SLC35D4: variants seen among roughly 807,000 people sequenced by gnomAD.
SLC35D4 encodes solute carrier family 35 member D4.
the SLC35D4 span, among the ~76,000 whole-genome samples, chr18:23,309,317 A>T: frequency 6.6e-6 from 1 of 151,986 alleles, no homozygotes; most frequent in Admixed American, 6.6e-5. Context: ...TATACATATT[A>T]TGCATATACA....
At chr18:23,378,994 C>T in the SLC35D4 span, among the ~76,000 whole-genome samples, 2 of 152,180 alleles carry the variant, frequency 1.3e-5, no homozygotes, top group African/African-American at 4.8e-5. Flanking sequence ...GCACAGGACG[C>T]GAGGCCAACC....
chr18:23,362,485 G>C, the SLC35D4 span, among the ~76,000 whole-genome samples: 1 of 152,142 alleles, frequency 6.6e-6, no homozygotes, highest in Non-Finnish European at 1.5e-5. Context: ...TGTAATCTCA[G>C]CTACTTGGGA....
the SLC35D4 span, chr18:23,437,699 A>T: frequency 3.5e-6 from 5 of 1,425,748 alleles, no homozygotes; most frequent in Non-Finnish European, 3.8e-6. Context: ...AAAAAGCAGG[A>T]GGAGGCTCCG....
the SLC35D4 span, among the ~76,000 whole-genome samples, chr18:23,240,599 T>C: frequency 2.6e-5 from 4 of 152,350 alleles, no homozygotes; most frequent in Non-Finnish European, 5.9e-5. Flanking sequence ...TGGGTGGGAA[T>C]GCTCAGTGAT....
the SLC35D4 span, among the ~76,000 whole-genome samples, chr18:23,254,436 T>G: frequency 6.6e-6 from 1 of 152,218 alleles, no homozygotes; most frequent in Non-Finnish European, 1.5e-5. Flanking sequence ...CATGAATGCC[T>G]GTTTTAGAAT....
the SLC35D4 span, among the ~76,000 whole-genome samples, chr18:23,377,482 A>G: frequency 6.6e-6 from 1 of 152,184 alleles, no homozygotes; most frequent in Non-Finnish European, 1.5e-5. Flanking sequence ...GAAAAGAAAA[A>G]CACAAGAAAT....
At chr18:23,326,597 A>T in the SLC35D4 span, among the ~76,000 whole-genome samples, 8 of 152,200 alleles carry the variant, frequency 5.3e-5, no homozygotes, top group Admixed American at 1.3e-4. Flanking sequence ...CCACACAATA[A>T]TAATGGGAGA....
At chr18:23,280,689 C>T in the SLC35D4 span, among the ~76,000 whole-genome samples, 2 of 152,200 alleles carry the variant, frequency 1.3e-5, no homozygotes, top group African/African-American at 4.8e-5. Context: ...CAAAATGGAA[C>T]CCGGACCCTT....
chr18:23,317,734 T>A, the SLC35D4 span, among the ~76,000 whole-genome samples: 17,588 of 152,032 alleles, frequency 0.12, 1,128 homozygotes, highest in Middle Eastern at 0.18. Context: ...TGTCTTTTTA[T>A]ATGTTTCATT....
At chr18:23,392,203 G>A in the SLC35D4 span, among the ~76,000 whole-genome samples, 1 of 151,848 alleles carries the variant, frequency 6.6e-6, no homozygotes, top group South Asian at 2.1e-4. Flanking sequence ...CTCCCAAAGT[G>A]CTAGGATTAC....
the SLC35D4 span, among the ~76,000 whole-genome samples, chr18:23,341,658 G>A: frequency 2.0e-5 from 3 of 152,160 alleles, no homozygotes; most frequent in Admixed American, 6.5e-5. Context: ...ATGTCAGCAC[G>A]TTTTGATGTG....
the SLC35D4 span, among the ~76,000 whole-genome samples, chr18:23,387,892 T>C: frequency 1.3e-5 from 2 of 152,246 alleles, no homozygotes; most frequent in Non-Finnish European, 2.9e-5. Context: ...TTCATGTTTG[T>C]TAAGATTATT....
chr18:23,418,607 G>A, the SLC35D4 span, among the ~76,000 whole-genome samples: 2 of 151,464 alleles, frequency 1.3e-5, no homozygotes, highest in African/African-American at 4.8e-5. Flanking sequence ...CCTAAGTGCT[G>A]GGATTACAGG....
the SLC35D4 span, chr18:23,430,708 T>C: frequency 6.3e-7 from 1 of 1,590,262 alleles, no homozygotes; most frequent in East Asian, 2.2e-5. Context: ...TACTGGACAT[T>C]TCAAATGATA....
chr18:23,279,892 G>A, the SLC35D4 span, among the ~76,000 whole-genome samples: 1 of 152,050 alleles, frequency 6.6e-6, no homozygotes, highest in Admixed American at 6.5e-5. Context: ...ATAGAGACAG[G>A]ATCTTACTAT....
chr18:23,412,939 C>T, the SLC35D4 span, among the ~76,000 whole-genome samples: 22 of 152,200 alleles, frequency 1.4e-4, no homozygotes. Flanking sequence ...ACCTCTGGAC[C>T]TTACTAGCTG....
At chr18:23,311,609 C>T in the SLC35D4 span, among the ~76,000 whole-genome samples, 3 of 152,178 alleles carry the variant, frequency 2.0e-5, no homozygotes, top group Non-Finnish European at 2.9e-5. Flanking sequence ...GACTTGAAGG[C>T]CCCTGGATCT....
the SLC35D4 span, among the ~76,000 whole-genome samples, chr18:23,308,900 G>GTC: frequency 6.6e-6 from 1 of 150,976 alleles, no homozygotes; most frequent in Non-Finnish European, 1.5e-5. Context: ...GTGTGTGTGT[G>GTC]TATACAGTTG....
the SLC35D4 span, among the ~76,000 whole-genome samples, chr18:23,417,445 A>G: frequency 1.3e-5 from 2 of 152,296 alleles, no homozygotes; most frequent in African/African-American, 2.4e-5. Context: ...GTACAACTCA[A>G]TTTATACAAG....
Sources: allele counts gnomAD v4.1 joint callset (sites outside exome capture counted in the v4.1 genomes callset), GRCh38; gene constraint gnomAD v4.1.1; transcripts MANE v1.5; gene names NCBI Gene and HGNC (gene_info 2026-07-23, HGNC 2026-07-21).